The following CIRSR variants were observed in gnomAD, a reference collection of about 807,000 sequenced individuals.
CIRSR encodes CBF1 (RBPJ) interacting corepressor 1.
the CIRSR span, among the ~76,000 whole-genome samples, chr2:174,375,549 C>T: frequency 6.6e-6 from 1 of 152,134 alleles, no homozygotes. Flanking sequence ...GCAAAGGTTG[C>T]AGTGAGTTGA....
chr2:174,378,176 T>G, the CIRSR span, among the ~76,000 whole-genome samples: 2 of 152,104 alleles, frequency 1.3e-5, no homozygotes, highest in African/African-American at 4.8e-5. Flanking sequence ...AAAAAAAGGT[T>G]CTCTAGCTGC....
the CIRSR span, chr2:174,395,468 G>C: frequency 1.5e-6 from 2 of 1,348,442 alleles, no homozygotes; most frequent in East Asian, 4.6e-5. Context: ...AGGGATCTCA[G>C]AGACACCATC....
chr2:174,365,647 A>G, the CIRSR span, among the ~76,000 whole-genome samples: 2 of 152,220 alleles, frequency 1.3e-5, no homozygotes, highest in Admixed American at 1.3e-4. Flanking sequence ...CAGCAGGCAA[A>G]GAGAGAAAGC....
the CIRSR span, chr2:174,350,860 T>C: frequency 1.6e-5 from 12 of 753,018 alleles, no homozygotes; most frequent in Admixed American, 3.3e-5. Flanking sequence ...TAGATGAATA[T>C]GATATTTTGG....
chr2:174,357,882 T>C, the CIRSR span, among the ~76,000 whole-genome samples: 1 of 152,228 alleles, frequency 6.6e-6, no homozygotes, highest in Non-Finnish European at 1.5e-5. Context: ...TTTTTATTTA[T>C]ATAGATGTGA....
chr2:174,377,587 C>A, the CIRSR span, among the ~76,000 whole-genome samples: 1 of 151,906 alleles, frequency 6.6e-6, no homozygotes, highest in Non-Finnish European at 1.5e-5. Context: ...GAGGCCGAGG[C>A]AGGTGGATCA....
chr2:174,378,135 T>C, the CIRSR span, among the ~76,000 whole-genome samples: 2 of 152,166 alleles, frequency 1.3e-5, no homozygotes, highest in Non-Finnish European at 2.9e-5. Context: ...TTCTGTATAC[T>C]GAGGTTTCAT....
the CIRSR span, among the ~76,000 whole-genome samples, chr2:174,354,183 C>A: frequency 1.3e-5 from 2 of 151,026 alleles, no homozygotes; most frequent in Middle Eastern, 3.2e-3. Context: ...TTTCAAAAAT[C>A]CCAACTGAAA....
the CIRSR span, among the ~76,000 whole-genome samples, chr2:174,353,470 T>G: frequency 1.5e-4 from 23 of 151,700 alleles, no homozygotes; most frequent in South Asian, 1.5e-3. Flanking sequence ...TAAGAGCTTT[T>G]TGTGTGTGTG....
At chr2:174,354,667 A>C in the CIRSR span, among the ~76,000 whole-genome samples, 1 of 94,120 alleles carries the variant, frequency 1.1e-5, no homozygotes, top group South Asian at 2.5e-4. Context: ...TATATAATAT[A>C]TATTATATAT....
At chr2:174,370,207 G>A in the CIRSR span, among the ~76,000 whole-genome samples, 71 of 152,284 alleles carry the variant, frequency 4.7e-4, no homozygotes, top group African/African-American at 1.6e-3. Flanking sequence ...TACAGTAACT[G>A]TTTATTTATT....
chr2:174,384,720 T>C, the CIRSR span, among the ~76,000 whole-genome samples: 1 of 151,340 alleles, frequency 6.6e-6, no homozygotes, highest in African/African-American at 2.4e-5. Context: ...CCCAGCCCAA[T>C]TCATTTATAT....
chr2:174,391,891 A>G, the CIRSR span, among the ~76,000 whole-genome samples: 1 of 152,242 alleles, frequency 6.6e-6, no homozygotes, highest in African/African-American at 2.4e-5. Context: ...ATTCCATTTA[A>G]ATGAATTTCC....
At chr2:174,380,822 G>C in the CIRSR span, 4 of 1,585,374 alleles carry the variant, frequency 2.5e-6, no homozygotes, top group South Asian at 4.5e-5. Context: ...TTTCTTGATT[G>C]CATATCAAAA....
the CIRSR span, among the ~76,000 whole-genome samples, chr2:174,386,956 A>G: frequency 6.6e-6 from 1 of 152,210 alleles, no homozygotes; most frequent in Non-Finnish European, 1.5e-5. Context: ...AGGTCCCTAT[A>G]ATACCACTTA....
chr2:174,371,571 T>C, the CIRSR span, among the ~76,000 whole-genome samples: 1 of 152,208 alleles, frequency 6.6e-6, no homozygotes, highest in Non-Finnish European at 1.5e-5. Context: ...GTTAAGATGA[T>C]CTTATCAGTA....
chr2:174,354,769 TA>T, the CIRSR span, among the ~76,000 whole-genome samples: 360 of 62,468 alleles, frequency 5.8e-3, 4 homozygotes, highest in South Asian at 0.044. Context: ...TATATATATA[TA>T]TTTTTTTTTT....
the CIRSR span, among the ~76,000 whole-genome samples, chr2:174,354,546 T>TA: frequency 2.5e-5 from 1 of 39,916 alleles, no homozygotes; most frequent in African/African-American, 9.0e-5. Context: ...ATAATATATA[T>TA]TATATTATAT....
chr2:174,357,328 GA>G, the CIRSR span, among the ~76,000 whole-genome samples: 3 of 152,110 alleles, frequency 2.0e-5, no homozygotes, highest in Non-Finnish European at 4.4e-5. Flanking sequence ...TACTTTGGGG[GA>G]ATATATGGCA....
Sources: gnomAD v4.1 joint callset for allele counts (sites outside exome capture counted in the v4.1 genomes callset) on GRCh38, gnomAD v4.1.1 for gene constraint, MANE v1.5 for transcripts, NCBI Gene and HGNC (gene_info 2026-07-23, HGNC 2026-07-21) for gene names.